TMEM132D: variants seen among roughly 807,000 people sequenced by gnomAD.
The protein encoded by TMEM132D is transmembrane protein 132D, also known as mature OL transmembrane protein.
A neutral mutation model predicts 62.3 loss-of-function variants in TMEM132D; 21 were observed. That is an observed-to-expected ratio of 0.34 (90% CI 0.24 to 0.49). TMEM132D has a LOEUF of 0.49. Among genes scored for constraint, TMEM132D ranks in the 20% least tolerant of loss-of-function variants. TMEM132D has a pLI of 0.99. For missense variants in TMEM132D, 1,346 were observed against 1,402.8 expected (o/e 0.96, Z 0.65); for synonymous variants, 621 against 575.6 (o/e 1.08, Z -1.13).
chr12:129,528,880 C>T (rs1010990970), intron 3 of TMEM132D, among the ~76,000 whole-genome samples: 1 of 152,240 alleles, frequency 6.6e-6, no homozygotes, highest in Non-Finnish European at 1.5e-5. Context: ...TAAGCAAAGC[C>T]TTCCTAGCTG....
At chr12:129,615,820 T>C (rs1398211355) in intron 2 of TMEM132D, among the ~76,000 whole-genome samples, 1 of 150,008 alleles carries the variant, frequency 6.7e-6, no homozygotes, top group Non-Finnish European at 1.5e-5. Flanking sequence ...TAAAATAAAA[T>C]AAAATAAAAT....
At chr12:129,140,194 G>T (rs1222093825) in intron 5 of TMEM132D, among the ~76,000 whole-genome samples, 1 of 143,040 alleles carries the variant, frequency 7.0e-6, no homozygotes. Context: ...ATTTATCAAG[G>T]GAGATTTTAG....
intron 1 of TMEM132D, among the ~76,000 whole-genome samples, chr12:129,725,700 G>A (rs2137248031): frequency 6.6e-6 from 1 of 152,328 alleles, no homozygotes; most frequent in East Asian, 1.9e-4. Context: ...CAAGATTTGG[G>A]GAGATAAAGA....
At chr12:129,241,828 G>C (rs77926280) in intron 4 of TMEM132D, among the ~76,000 whole-genome samples, 2,038 of 152,244 alleles carry the variant, frequency 0.013, 23 homozygotes, top group Non-Finnish European at 0.022. Flanking sequence ...GTTCCTAATA[G>C]AATGCTTGGA....
intron 1 of TMEM132D, among the ~76,000 whole-genome samples, chr12:129,895,899 T>A (rs1049123889): frequency 1.3e-5 from 2 of 150,948 alleles, no homozygotes; most frequent in African/African-American, 4.9e-5. Context: ...CTTCCAAATC[T>A]TTTCTCTATT....
intron 1 of TMEM132D, among the ~76,000 whole-genome samples, chr12:129,763,872 G>A (rs961976701): frequency 1.3e-5 from 2 of 152,136 alleles, no homozygotes; most frequent in Non-Finnish European, 2.9e-5. Context: ...CTCAGGTAAA[G>A]GAACAGGAAC....
In TMEM132D at chr12:129,356,720, C is replaced by A. The variant is rs964038623; in HGVS notation, c.1116-18903G>T. Among the ~76,000 whole-genome samples, 21 of 150,260 alleles carry A rather than the reference C, an allele frequency of 1.4e-4. 1 individual carries two copies. The highest frequency in any genetic ancestry group is 4.9e-4 in the African/African-American group (20 of 40,874). On this transcript the variant is annotated intron_variant, in intron 3 of 8. Coordinates refer to ENST00000422113, the MANE Select transcript of TMEM132D (RefSeq NM_133448.3). ...AATAAAATAAAAATACAAAAATTAG[C>A]CAGGCATGGTGGTGTGTGCCTGTAG...
At chr12:129,628,122 A>G (rs1879267968) in intron 2 of TMEM132D, among the ~76,000 whole-genome samples, 1 of 152,054 alleles carries the variant, frequency 6.6e-6, no homozygotes, top group Non-Finnish European at 1.5e-5. Context: ...ACTAGAAATC[A>G]TTTGGTAAAT....
intron 3 of TMEM132D, among the ~76,000 whole-genome samples, chr12:129,367,973 A>G (rs1870475510): frequency 6.6e-6 from 1 of 151,774 alleles, no homozygotes; most frequent in South Asian, 2.1e-4. Context: ...TTTAGTAGAG[A>G]TGGGGTTTAG....
At chr12:129,308,052 A>G (rs1028510731) in intron 4 of TMEM132D, among the ~76,000 whole-genome samples, 60 of 152,186 alleles carry the variant, frequency 3.9e-4, no homozygotes, top group Non-Finnish European at 7.8e-4. Flanking sequence ...AATTCCCTCT[A>G]TCTGCAACAT....
Position 129,209,599 on chromosome 12 carries a change from A to G in TMEM132D, c.1364T>C (p.Val455Ala). The part of the protein sequence containing the change: ...GKTVAVPVKV[V>A]SVEDDGTVTE... ...CACTGTGCCGTCGTCCTCCACGGAG[A>G]CCACTTTCACCGGGACGGCCACCGT... The change falls in exon 5 of 9, where the codon GTC becomes GCC. Residue 455 changes from valine to alanine, a missense_variant. Coordinates refer to ENST00000422113, the MANE Select transcript of TMEM132D (RefSeq NM_133448.3). The G allele has an allele frequency of 6.2e-7, 1 of 1,614,140 alleles. No homozygotes were observed. The highest frequency in any genetic ancestry group is 8.5e-7 in the Non-Finnish European group (1 of 1,180,016).
intron 1 of TMEM132D, among the ~76,000 whole-genome samples, chr12:129,775,614 C>T (rs1053735321): frequency 5.3e-5 from 8 of 151,878 alleles, no homozygotes; most frequent in African/African-American, 1.2e-4. Flanking sequence ...AGAAGGGATG[C>T]GAGAAGATAA....
intron 5 of TMEM132D, among the ~76,000 whole-genome samples, chr12:129,166,218 C>T (rs1466878629): frequency 6.6e-6 from 1 of 152,182 alleles, no homozygotes; most frequent in African/African-American, 2.4e-5. Flanking sequence ...AATGGATGCA[C>T]CCGATGGGAC....
intron 2 of TMEM132D, among the ~76,000 whole-genome samples, chr12:129,624,620 C>T (rs1419722710): frequency 6.6e-6 from 1 of 152,258 alleles, no homozygotes; most frequent in Admixed American, 6.5e-5. Flanking sequence ...GATGGGCAGA[C>T]ACCCAGTGCT....
chr12:129,384,083 T>C (rs552749394), intron 3 of TMEM132D, among the ~76,000 whole-genome samples: 1 of 152,260 alleles, frequency 6.6e-6, no homozygotes, highest in East Asian at 1.9e-4. Flanking sequence ...ATCTGAGAAA[T>C]GCTCCGAAGG....
chr12:129,125,858 C>A (rs932318013), intron 5 of TMEM132D, among the ~76,000 whole-genome samples: 10 of 152,182 alleles, frequency 6.6e-5, no homozygotes, highest in African/African-American at 2.2e-4. Context: ...TGGGCTCATA[C>A]ACAGAGCATA....
intron 3 of TMEM132D, among the ~76,000 whole-genome samples, chr12:129,462,903 T>G (rs932604835): frequency 6.6e-6 from 1 of 152,172 alleles, no homozygotes; most frequent in Admixed American, 6.5e-5. Context: ...ACTGCTTGTA[T>G]GAGAAGGGCA....
intron 5 of TMEM132D, among the ~76,000 whole-genome samples, chr12:129,185,456 T>A (rs1878193098): frequency 6.6e-6 from 1 of 152,192 alleles, no homozygotes; most frequent in East Asian, 1.9e-4. Context: ...AGTGAATATT[T>A]TTCCCAGTTG....
intron 4 of TMEM132D, among the ~76,000 whole-genome samples, chr12:129,281,889 G>A (rs1246548567): frequency 1.3e-5 from 2 of 152,156 alleles, no homozygotes; most frequent in Non-Finnish European, 2.9e-5. Flanking sequence ...AAAAGACCAG[G>A]TGTCTTTCCT....
Sources: allele counts gnomAD v4.1 joint callset (sites outside exome capture counted in the v4.1 genomes callset), GRCh38; gene constraint gnomAD v4.1.1; transcripts MANE v1.5; gene names NCBI Gene and HGNC (gene_info 2026-07-23, HGNC 2026-07-21).